Variants in ROBO2 observed in about 807,000 individuals in gnomAD.
ROBO2 encodes roundabout homolog 2.
A neutral mutation model predicts 160.8 loss-of-function variants in ROBO2; 53 were observed. That is an observed-to-expected ratio of 0.33 (90% CI 0.26 to 0.41). ROBO2 has a LOEUF of 0.41. ROBO2 is among the 10% of genes least tolerant of loss of function. The pLI is 1.00. For synonymous variants in ROBO2, 664 were observed against 611.7 expected (o/e 1.09, Z -1.26); for missense variants, 1,577 against 1,722.4 (o/e 0.92, Z 1.49).
chr3:76,247,495 A>G (rs1416947577), intron 2 of ROBO2, among the ~76,000 whole-genome samples: 1 of 151,988 alleles, frequency 6.6e-6, no homozygotes, highest in Non-Finnish European at 1.5e-5. Flanking sequence ...ACTCTAACCC[A>G]TTTTCTGAAA....
intron 2 of ROBO2, among the ~76,000 whole-genome samples, chr3:77,162,626 A>G (rs897470629): frequency 6.6e-6 from 1 of 152,164 alleles, no homozygotes; most frequent in Admixed American, 6.5e-5. Flanking sequence ...TAAAAGTGAT[A>G]TGGCTAAGGA....
At chr3:76,802,543 A>T (rs2064293066) in intron 2 of ROBO2, among the ~76,000 whole-genome samples, 1 of 152,038 alleles carries the variant, frequency 6.6e-6, no homozygotes, top group South Asian at 2.1e-4. Context: ...CCTGGCTAAC[A>T]CGGTGAAACC....
chr3:77,050,431 G>A (rs114165727), intron 1 of ROBO2, among the ~76,000 whole-genome samples: 1 of 152,228 alleles, frequency 6.6e-6, no homozygotes, highest in African/African-American at 2.4e-5. Context: ...GGTTAGCGTA[G>A]AAACTGAGTA....
intron 2 of ROBO2, among the ~76,000 whole-genome samples, chr3:77,301,925 C>T (rs940386477): frequency 1.3e-5 from 2 of 150,786 alleles, no homozygotes; most frequent in African/African-American, 4.9e-5. Flanking sequence ...TTTTAAGAAA[C>T]AGGGTCTTAC....
chr3:77,350,237 C>T (rs1169459219), intron 2 of ROBO2, among the ~76,000 whole-genome samples: 1 of 151,540 alleles, frequency 6.6e-6, no homozygotes, highest in Non-Finnish European at 1.5e-5. Context: ...AGCTATTAAC[C>T]CAGGTAATTT....
chr3:77,538,144 A>C (rs1464004012), intron 6 of ROBO2, among the ~76,000 whole-genome samples: 3 of 149,928 alleles, frequency 2.0e-5, no homozygotes, highest in Non-Finnish European at 4.4e-5. Context: ...TTAGAAAGGT[A>C]GGTAATTTAG....
At chr3:77,079,034 C>G (rs904088770) in intron 1 of ROBO2, among the ~76,000 whole-genome samples, 1 of 152,220 alleles carries the variant, frequency 6.6e-6, no homozygotes, top group Non-Finnish European at 1.5e-5. Context: ...ACCTCTGCCC[C>G]CTGAGCCTCC....
intron 9 of ROBO2, among the ~76,000 whole-genome samples, chr3:77,561,764 T>C (rs1033443498): frequency 1.3e-5 from 2 of 152,128 alleles, no homozygotes; most frequent in Admixed American, 1.3e-4. Flanking sequence ...AATTTACATA[T>C]AAGTGAATAT....
In ROBO2 at chr3:77,536,398, CTT is replaced by C. The variant is rs1450937006; in HGVS notation, c.935-9939_935-9938del. 7.2e-5 allele frequency among the ~76,000 whole-genome samples: 11 copies of C among 152,004 alleles called. 1 individual carries two copies. In the Middle Eastern group the frequency reaches 0.01, roughly 142 times the overall value. On this transcript the variant is annotated intron_variant, in intron 6 of 25. Coordinates refer to ENST00000461745, the Ensembl canonical transcript of ROBO2. The stretch of plus-strand genomic sequence containing the variant: ...TTTCTCTCTCTCTTTCCCTCTCTCT[CTT>C]CTTTTCTCTCTCCTTCTTTTCTTCT...
chr3:76,928,526 T>G (rs2077129773), intron 2 of ROBO2, among the ~76,000 whole-genome samples: 1 of 151,988 alleles, frequency 6.6e-6, no homozygotes, highest in South Asian at 2.1e-4. Flanking sequence ...CCCAAATCAT[T>G]TTAATATTAT....
intron 16 of ROBO2, among the ~76,000 whole-genome samples, chr3:77,585,712 A>G (rs763465013): frequency 5.3e-5 from 8 of 152,054 alleles, no homozygotes; most frequent in Non-Finnish European, 1.2e-4. Flanking sequence ...TCTTGTACTG[A>G]GAAGCCTTCT....
At chr3:76,229,487 A>T (rs2107461960) in intron 2 of ROBO2, among the ~76,000 whole-genome samples, 1 of 152,262 alleles carries the variant, frequency 6.6e-6, no homozygotes, top group Non-Finnish European at 1.5e-5. Context: ...ATATCAAAAT[A>T]TATTTGTATT....
At chr3:76,332,091 G>T (rs1459587433) in intron 2 of ROBO2, among the ~76,000 whole-genome samples, 1 of 152,118 alleles carries the variant, frequency 6.6e-6, no homozygotes, top group Non-Finnish European at 1.5e-5. Flanking sequence ...TAAAAAATAG[G>T]AATCATAGAT....
intron 2 of ROBO2, among the ~76,000 whole-genome samples, chr3:76,399,140 G>T (rs754047952): frequency 1.3e-5 from 2 of 151,626 alleles, no homozygotes; most frequent in Admixed American, 6.6e-5. Flanking sequence ...AGATGAAAAA[G>T]AAATAGAAGA....
upstream of ROBO2, among the ~76,000 whole-genome samples, chr3:77,035,119 C>A (rs542103747): frequency 6.6e-6 from 1 of 151,960 alleles, no homozygotes; most frequent in African/African-American, 2.4e-5. Context: ...TTGGTAAAAT[C>A]ATTAGCCTAG....
At chr3:77,052,086 A>G (rs1265825065) in intron 1 of ROBO2, among the ~76,000 whole-genome samples, 1 of 152,172 alleles carries the variant, frequency 6.6e-6, no homozygotes, top group East Asian at 1.9e-4. Flanking sequence ...TGCCTTCTTT[A>G]CTGACTGATG....
At chr3:76,112,776 A>G (rs1473035631) in intron 2 of ROBO2, among the ~76,000 whole-genome samples, 2 of 152,192 alleles carry the variant, frequency 1.3e-5, no homozygotes, top group South Asian at 4.1e-4. Context: ...ATTTTTGCAC[A>G]TCTATGTTTT....
chr3:77,175,118 G>A (rs1046714973), intron 2 of ROBO2, among the ~76,000 whole-genome samples: 1 of 151,944 alleles, frequency 6.6e-6, no homozygotes, highest in African/African-American at 2.4e-5. Flanking sequence ...TCATTCTGCC[G>A]ATGTGGAAAC....
intron 2 of ROBO2, among the ~76,000 whole-genome samples, chr3:75,997,208 T>C (rs985031231): frequency 6.6e-6 from 1 of 152,192 alleles, no homozygotes; most frequent in African/African-American, 2.4e-5. Context: ...ATGTTAATGT[T>C]TCTGTTGCAG....
Sources: gnomAD v4.1 joint callset for allele counts (sites outside exome capture counted in the v4.1 genomes callset) on GRCh38, gnomAD v4.1.1 for gene constraint, MANE v1.5 for transcripts, NCBI Gene and HGNC (gene_info 2026-07-23, HGNC 2026-07-21) for gene names.